CLOCK: variants seen among roughly 807,000 people sequenced by gnomAD.
CLOCK encodes the protein clock circadian regulator, also known as circadian locomoter output cycles protein kaput.
In CLOCK, 43 loss-of-function variants were observed where a neutral mutation model predicts 118.4. The observed-to-expected ratio is 0.36, with a 90% CI of 0.28 to 0.47. The LOEUF is 0.47. Ranked by LOEUF, CLOCK falls within the 20% of genes least tolerant of loss-of-function variation. The probability of loss-of-function intolerance (pLI) is 1.00; values close to 1 mark genes in which losing one functional copy is unlikely to be tolerated. For synonymous variants in CLOCK, 326 were observed against 339.2 expected, an observed-to-expected ratio of 0.96 and a Z score of 0.43; for missense variants, 846 against 999.9, an observed-to-expected ratio of 0.85 and a Z score of 2.08.
At chr4:55,477,684 T>C (rs946244480) in intron 6 of CLOCK, among the ~76,000 whole-genome samples, 6 of 152,062 alleles carry the variant, frequency 3.9e-5, no homozygotes, top group Admixed American at 2.0e-4. Flanking sequence ...CATCTAAAAA[T>C]AGAAATCTGG....
At chr4:55,519,868 G>T (rs780348177) in intron 1 of CLOCK, among the ~76,000 whole-genome samples, 1 of 152,116 alleles carries the variant, frequency 6.6e-6, no homozygotes, top group African/African-American at 2.4e-5. Flanking sequence ...GACAGGAGGG[G>T]TGGCAGGGGG....
At chr4:55,446,559 T>C (rs979548046) in intron 18 of CLOCK, among the ~76,000 whole-genome samples, 5 of 152,220 alleles carry the variant, frequency 3.3e-5, no homozygotes, top group African/African-American at 1.2e-4. Flanking sequence ...CAGATAAGTA[T>C]AGAACATGGG....
intron 1 of CLOCK, among the ~76,000 whole-genome samples, chr4:55,512,901 G>A (rs1729256415): frequency 6.6e-6 from 1 of 152,176 alleles, no homozygotes; most frequent in South Asian, 2.1e-4. Flanking sequence ...TTTCAGGACA[G>A]ACCGTATATA....
chr4:55,540,131 C>A (rs2110114435), intron 1 of CLOCK, among the ~76,000 whole-genome samples: 1 of 151,818 alleles, frequency 6.6e-6, no homozygotes, highest in South Asian at 2.1e-4. Flanking sequence ...CCTTAGCCTC[C>A]CAAGTAGCTG....
chr4:55,483,585 G>A (rs959228256), intron 3 of CLOCK, among the ~76,000 whole-genome samples: 1 of 152,092 alleles, frequency 6.6e-6, no homozygotes, highest in Non-Finnish European at 1.5e-5. Flanking sequence ...ACAGGCTGGA[G>A]GACAGAAACA....
intron 6 of CLOCK, among the ~76,000 whole-genome samples, chr4:55,478,393 T>C (rs999522065): frequency 6.6e-6 from 1 of 152,290 alleles, no homozygotes; most frequent in East Asian, 1.9e-4. Context: ...GAAGTCTCCC[T>C]GCCTCTCTGC....
At chr4:55,451,141 C>T (rs1324862982) in intron 15 of CLOCK, among the ~76,000 whole-genome samples, 1 of 152,068 alleles carries the variant, frequency 6.6e-6, no homozygotes, top group Admixed American at 6.5e-5. Flanking sequence ...ATTCACTGTC[C>T]CTAATTCCCC....
chr4:55,467,558 A>T (rs1392445006), intron 8 of CLOCK, among the ~76,000 whole-genome samples: 1 of 152,256 alleles, frequency 6.6e-6, no homozygotes, highest in Non-Finnish European at 1.5e-5. Context: ...ATGATGCTCT[A>T]TGACTAGATT....
At chr4:55,531,004 G>A (rs1405304775) in intron 1 of CLOCK, among the ~76,000 whole-genome samples, 1 of 151,704 alleles carries the variant, frequency 6.6e-6, no homozygotes, top group East Asian at 1.9e-4. Context: ...ACAGTTAATA[G>A]ATATTATGAT....
rs534948947 is a variant in CLOCK at position 55,492,156 on chromosome 4, T to C, written c.-135-2691A>G. 2.0e-5 allele frequency among the ~76,000 whole-genome samples: 3 copies of C among 152,126 alleles called. No homozygotes were observed. The South Asian group carries it at 6.2e-4, about 32-fold the overall frequency. ...AAAATTCTCAACAAAATACTACCAA[T>C]CCAAACGCAACAGTAAATTAAAAGG... is the stretch of plus-strand genomic sequence containing the variant. On this transcript the variant is annotated intron_variant, in intron 2 of 22. Coordinates refer to ENST00000513440, the MANE Select transcript of CLOCK (RefSeq NM_004898.4).
intron 1 of CLOCK, among the ~76,000 whole-genome samples, chr4:55,542,371 TAA>T (rs1560489991): frequency 0.044 from 903 of 20,428 alleles, 2 homozygotes; most frequent in African/African-American, 0.053. Context: ...ATAATAATAA[TAA>T]TAATAATATT....
chr4:55,446,152 G>T (rs1366922735), intron 18 of CLOCK, among the ~76,000 whole-genome samples: 1 of 143,690 alleles, frequency 7.0e-6, no homozygotes, highest in Admixed American at 7.2e-5. Flanking sequence ...GGAATGCAGT[G>T]GTGTGATCAC....
At chr4:55,523,800 AT>A (rs1352946777) in intron 1 of CLOCK, among the ~76,000 whole-genome samples, 4 of 151,918 alleles carry the variant, frequency 2.6e-5, no homozygotes, top group Admixed American at 2.6e-4. Context: ...CAATTTCATC[AT>A]AAAAAAAATT....
chr4:55,503,997 A>AAAAAAAAAAAAAAAAAAAAAC (rs1728607801), intron 2 of CLOCK, among the ~76,000 whole-genome samples: 1 of 147,764 alleles, frequency 6.8e-6, no homozygotes, highest in Non-Finnish European at 1.5e-5. Flanking sequence ...AAAAAAAAAA[A>AAAAAAAAAAAAAAAAAAAAAC]AAAAAAGCCG....
intron 18 of CLOCK, 28 bp from the exon 19 acceptor site, chr4:55,444,813 A>G (rs1370037588): frequency 6.2e-7 from 1 of 1,608,188 alleles, no homozygotes; most frequent in East Asian, 2.2e-5. Context: ...GAAAAAGTGT[A>G]ATATATTTTA....
At chr4:55,478,654 G>A (rs1050462823) in intron 6 of CLOCK, among the ~76,000 whole-genome samples, 161 bp downstream of exon 6, 2 of 152,140 alleles carry the variant, frequency 1.3e-5, no homozygotes, top group African/African-American at 4.8e-5. Flanking sequence ...CGGAATAAAT[G>A]TTTGTTGAAT....
Position 55,444,620 on chromosome 4 carries a change from A to T in CLOCK, c.1692+13T>A. On this transcript the variant is annotated intron_variant, in intron 19 of 22. Transcript: ENST00000513440. ...AATGGGATGCTTTGTTTGTATTCAA[A>T]TATAACAATTACCTGCAGCCCCTGA... The T allele has an allele frequency of 6.2e-7, 1 of 1,614,002 alleles. No homozygotes were observed. The highest frequency in any genetic ancestry group is 1.1e-5 in the South Asian group (1 of 91,076).
chr4:55,446,726 T>C (rs1378890674), intron 18 of CLOCK, among the ~76,000 whole-genome samples: 1 of 152,226 alleles, frequency 6.6e-6, no homozygotes, highest in Non-Finnish European at 1.5e-5. Context: ...ATCTCTTAAG[T>C]CTATACAGGC....
chr4:55,520,080 T>C (rs1729763907), intron 1 of CLOCK, among the ~76,000 whole-genome samples: 1 of 152,208 alleles, frequency 6.6e-6, no homozygotes, highest in Admixed American at 6.5e-5. Context: ...AAGGCCAACA[T>C]TTTAGCATAG....
Sources: allele counts gnomAD v4.1 joint callset (sites outside exome capture counted in the v4.1 genomes callset), GRCh38; gene constraint gnomAD v4.1.1; transcripts MANE v1.5; gene names NCBI Gene and HGNC (gene_info 2026-07-23, HGNC 2026-07-21).